Variants in LRFN5 observed in about 807,000 individuals in gnomAD.
LRFN5 encodes the protein leucine-rich repeat and fibronectin type-III domain-containing protein 5.
Under a neutral mutation model 45.6 loss-of-function variants are expected in LRFN5, and 24 were observed. The observed-to-expected ratio is 0.53, with a 90% CI of 0.38 to 0.74. The LOEUF (loss-of-function observed/expected upper bound fraction) is 0.74. Ranked by LOEUF, LRFN5 falls within the 30% of genes least tolerant of loss-of-function variation. The probability of loss-of-function intolerance (pLI) is 0.00; values close to 1 mark genes in which losing one functional copy is unlikely to be tolerated. For missense variants in LRFN5, 776 were observed against 861.5 expected, an observed-to-expected ratio of 0.90 and a Z score of 1.24; for synonymous variants, 340 against 313.8, an observed-to-expected ratio of 1.08 and a Z score of -0.88.
intron 1 of LRFN5, among the ~76,000 whole-genome samples, chr14:41,673,195 A>C (rs567790863): frequency 6.6e-6 from 1 of 151,860 alleles, no homozygotes; most frequent in African/African-American, 2.4e-5. Context: ...CAAAACCGCC[A>C]TTGTCATCAT....
intron 2 of LRFN5, among the ~76,000 whole-genome samples, chr14:41,793,746 C>G (rs2138951006): frequency 6.6e-6 from 1 of 152,038 alleles, no homozygotes; most frequent in South Asian, 2.1e-4. Context: ...AAGTTTGATC[C>G]CACGAATGAG....
intron 1 of LRFN5, among the ~76,000 whole-genome samples, chr14:41,717,978 T>C (rs1883559075): frequency 6.6e-6 from 1 of 152,184 alleles, no homozygotes; most frequent in Non-Finnish European, 1.5e-5. Flanking sequence ...TTTTTTGTGT[T>C]GTTCTTAGCT....
chr14:41,888,081 T>C, intron 3 of LRFN5, 71 bp downstream of exon 3: 1 of 1,167,580 alleles, frequency 8.6e-7, no homozygotes, highest in East Asian at 2.4e-5. Context: ...GTACTACTGA[T>C]TTTTTTTAAT....
chr14:41,624,132 A>G (rs569348355), intron 1 of LRFN5, among the ~76,000 whole-genome samples: 1 of 152,062 alleles, frequency 6.6e-6, no homozygotes, highest in Non-Finnish European at 1.5e-5. Flanking sequence ...TTTTGAAATA[A>G]CCTCTACTCC....
chr14:41,778,756 ACG>A (rs1358105502), intron 2 of LRFN5, among the ~76,000 whole-genome samples: 1 of 151,826 alleles, frequency 6.6e-6, no homozygotes, highest in African/African-American at 2.4e-5. Context: ...GAACTAAGCT[ACG>A]TAATAACCAT....
intron 2 of LRFN5, among the ~76,000 whole-genome samples, chr14:41,873,231 G>A (rs1449485712): frequency 6.6e-6 from 1 of 152,084 alleles, no homozygotes; most frequent in East Asian, 1.9e-4. Flanking sequence ...GCATAGTGCA[G>A]GATTTGAAGG....
At chr14:41,677,555 C>T (rs1881691116) in intron 1 of LRFN5, among the ~76,000 whole-genome samples, 3 of 151,972 alleles carry the variant, frequency 2.0e-5, no homozygotes, top group Non-Finnish European at 4.4e-5. Context: ...AGAGATGCAA[C>T]TTGTTTGAAA....
intron 1 of LRFN5, among the ~76,000 whole-genome samples, chr14:41,706,697 T>C (rs1414177542): frequency 6.6e-6 from 1 of 152,216 alleles, no homozygotes; most frequent in Non-Finnish European, 1.5e-5. Flanking sequence ...TTGAGCATCT[T>C]TTTATGTGTT....
chr14:41,862,187 C>G (rs1889688353), intron 2 of LRFN5, among the ~76,000 whole-genome samples: 1 of 152,130 alleles, frequency 6.6e-6, no homozygotes, highest in African/African-American at 2.4e-5. Context: ...TTAGGTAGTT[C>G]TTTATAGCAG....
rs1399568869 is a variant in LRFN5, at chr14:41,795,130, A to G, written c.-21+28101A>G. On this transcript the variant is annotated intron_variant, in intron 2 of 5. Coordinates refer to ENST00000298119, the MANE Select transcript of LRFN5 (RefSeq NM_152447.5). ...TTTATTAAATGTTCAGGCTTCAGACATTTTTCAAAAGAAGACATTTATGCA... is the reference window on the plus strand; with the variant it reads ...TTTATTAAATGTTCAGGCTTCAGACGTTTTTCAAAAGAAGACATTTATGCA... Among the ~76,000 whole-genome samples, 3 of 152,046 alleles carry G rather than the reference A, an allele frequency of 2.0e-5. No individual in the cohort carries two copies. The East Asian group carries it at 5.8e-4, about 29-fold the overall frequency.
At chr14:41,762,075 C>A (rs1326439813) in intron 1 of LRFN5, among the ~76,000 whole-genome samples, 1 of 148,868 alleles carries the variant, frequency 6.7e-6, no homozygotes, top group Non-Finnish European at 1.5e-5. Context: ...GTGAATGAGT[C>A]ATTTCTTTAA....
intron 2 of LRFN5, among the ~76,000 whole-genome samples, chr14:41,879,671 A>C (rs1181267400): frequency 6.6e-6 from 1 of 150,834 alleles, no homozygotes; most frequent in Non-Finnish European, 1.5e-5. Flanking sequence ...GAGGATTTTG[A>C]TTTTGAATTC....
chr14:41,775,077 G>A (rs192037644), intron 2 of LRFN5, among the ~76,000 whole-genome samples: 117 of 119,436 alleles, frequency 9.8e-4, no homozygotes, highest in African/African-American at 3.7e-3. Flanking sequence ...AAGATTTGAT[G>A]CTACTTTTTC....
intron 1 of LRFN5, among the ~76,000 whole-genome samples, chr14:41,712,195 C>T (rs1289554667): frequency 6.6e-6 from 1 of 152,122 alleles, no homozygotes; most frequent in Non-Finnish European, 1.5e-5. Context: ...AGATCAGGTA[C>T]ATCTCTTTTA....
intron 1 of LRFN5, among the ~76,000 whole-genome samples, chr14:41,678,533 C>G (rs1881742334): frequency 6.6e-6 from 1 of 152,044 alleles, no homozygotes; most frequent in African/African-American, 2.4e-5. Context: ...ATATCATTTG[C>G]CCACTACACC....
chr14:41,675,001 G>T (rs181553152), intron 1 of LRFN5, among the ~76,000 whole-genome samples: 3,539 of 151,470 alleles, frequency 0.023, 131 homozygotes, highest in African/African-American at 0.082. Context: ...CATCTCAGAC[G>T]ATGGGCGGCC....
chr14:41,837,823 G>A (rs536452333), intron 2 of LRFN5, among the ~76,000 whole-genome samples: 1 of 152,292 alleles, frequency 6.6e-6, no homozygotes, highest in Admixed American at 6.5e-5. Flanking sequence ...CAGCTTCGAA[G>A]CTTGTAATGC....
rs555492521 is a variant in LRFN5, at chr14:41,760,556, T to C, written c.-196-6298T>C. On this transcript the variant is annotated intron_variant, in intron 1 of 5. Transcript: ENST00000298119. ...GCTAAAGAGAGGACATAATGTAATA[T>C]AAATGTTTTGAAATTCTACTGAATT... Among the ~76,000 whole-genome samples the C allele has an allele frequency of 2.6e-5, 4 of 152,358 alleles. 1 individual carries two copies. Among genetic ancestry groups the C allele is most frequent in the African/African-American group, 9.6e-5 (4 of 41,586 alleles).
At chr14:41,856,675 A>ATTATTATTTTTTTTTT in intron 2 of LRFN5, among the ~76,000 whole-genome samples, 1,438 of 18,374 alleles carry the variant, frequency 0.078, 322 homozygotes, top group Non-Finnish European at 0.14. Context: ...TATTATTATT[A>ATTATTATTTTTTTTTT]TTTTTTTTTT....
Sources: gnomAD v4.1 joint callset for allele counts (sites outside exome capture counted in the v4.1 genomes callset) on GRCh38, gnomAD v4.1.1 for gene constraint, MANE v1.5 for transcripts, NCBI Gene and HGNC (gene_info 2026-07-23, HGNC 2026-07-21) for gene names.